The following GALK2 variants were observed in gnomAD, a reference collection of about 807,000 sequenced individuals.
The protein encoded by GALK2 is N-acetylgalactosamine kinase.
In GALK2, 36 loss-of-function variants were observed where a neutral mutation model predicts 52.4. The observed-to-expected ratio is 0.69, with a 90% CI of 0.53 to 0.91. The LOEUF (loss-of-function observed/expected upper bound fraction) is 0.91. Among genes scored for constraint, GALK2 ranks in the 40% least tolerant of loss-of-function variants. The pLI is 0.00. For synonymous variants in GALK2, 176 were observed against 199.1 expected, an observed-to-expected ratio of 0.88 and a Z score of 0.98; for missense variants, 579 against 559.1, an observed-to-expected ratio of 1.04 and a Z score of -0.36.
At chr15:49,210,476 G>C (rs938119739) in intron 2 of GALK2, among the ~76,000 whole-genome samples, 2 of 151,136 alleles carry the variant, frequency 1.3e-5, no homozygotes, top group African/African-American at 4.9e-5. Context: ...TTCTGCTCTT[G>C]TTGCCCAAGC....
intron 3 of GALK2, among the ~76,000 whole-genome samples, chr15:49,363,271 C>T (rs1442225262): frequency 6.6e-6 from 1 of 152,074 alleles, no homozygotes; most frequent in Non-Finnish European, 1.5e-5. Flanking sequence ...AATGTTCTTC[C>T]ACTTGTTTGT....
rs1353022059 is a variant in GALK2, at chr15:49,329,400, C to T, written c.*1241C>T. 1 of 984,998 alleles carries T rather than the reference C, an allele frequency of 1.0e-6. No homozygotes were observed. The highest frequency in any genetic ancestry group is 1.2e-6 in the Non-Finnish European group (1 of 829,718). The allele number at this position is 984,998 out of a possible 1,614,324, so 61.0% of individuals were successfully genotyped here. ...AATTGAGATAGCAATGGTTTTATGGCATGAATTATCCAAAAAAATATCAGA... is the reference window on the plus strand; with the variant it reads ...AATTGAGATAGCAATGGTTTTATGGTATGAATTATCCAAAAAAATATCAGA... On this transcript the variant is annotated 3_prime_UTR_variant, in exon 10 of 10. Transcript: ENST00000560031.
At chr15:49,364,822 G>C (rs735495) in intron 3 of GALK2, among the ~76,000 whole-genome samples, 90,423 of 151,540 alleles carry the variant, frequency 0.6, 27,309 homozygotes, top group Non-Finnish European at 0.63. Flanking sequence ...AGAAACATTT[G>C]AGTAAAAAAG....
At chr15:49,335,976 C>T (rs1326124335), downstream of GALK2, among the ~76,000 whole-genome samples, 2 of 152,144 alleles carry the variant, frequency 1.3e-5, no homozygotes, top group Non-Finnish European at 2.9e-5. Flanking sequence ...GCCTCAGCTT[C>T]CTGAGTAGTA....
intron 2 of GALK2, among the ~76,000 whole-genome samples, chr15:49,209,063 T>C (rs111722569): frequency 0.06 from 9,196 of 152,206 alleles, 557 homozygotes; most frequent in African/African-American, 0.15. Context: ...ATTAGGTGAG[T>C]CTCCTGAAGG....
At position 49,319,863 on chromosome 15, in the gene GALK2, G is replaced by A; in HGVS notation, c.1169+58G>A. 15 of 1,414,744 alleles carry A rather than the reference G, an allele frequency of 1.1e-5. No individual in the cohort carries two copies. In the Admixed American group the frequency reaches 1.5e-4, roughly 14 times the overall value. The allele number at this position is 1,414,744 out of a possible 1,614,324, so 87.6% of individuals were successfully genotyped here. On this transcript the variant is annotated intron_variant, in intron 9 of 9. Coordinates refer to ENST00000560031, the MANE Select transcript of GALK2 (RefSeq NM_002044.4). ...ATCAAATAATATTGTTTAAATTAAT[G>A]GAAAAAAATGCAACATTTCATAATC... is the stretch of plus-strand genomic sequence containing the variant.
At chr15:49,261,831 G>T (rs928470014) in intron 5 of GALK2, among the ~76,000 whole-genome samples, 1 of 152,012 alleles carries the variant, frequency 6.6e-6, no homozygotes, top group Non-Finnish European at 1.5e-5. Flanking sequence ...ATAATCATGT[G>T]GTTTTTGTCT....
rs76455846 is a variant in GALK2 at position 49,326,784 on chromosome 15, G to A, written c.1170-1168G>A. On this transcript the variant is annotated intron_variant, in intron 9 of 9. Coordinates refer to ENST00000560031, the MANE Select transcript of GALK2 (RefSeq NM_002044.4). ...AAATACCTATGTTCATTTGAAAAGC[G>A]TATTTTAATATATATAATAAAGCAG... is the stretch of plus-strand genomic sequence containing the variant. 8.1e-3 allele frequency among the ~76,000 whole-genome samples: 1,229 copies of A among 152,028 alleles called. 17 individuals are homozygous for A. The highest frequency in any genetic ancestry group is 0.028 in the African/African-American group (1,179 of 41,460).
intron 1 of GALK2, among the ~76,000 whole-genome samples, chr15:49,188,490 C>A (rs907983390): frequency 6.6e-6 from 1 of 152,238 alleles, no homozygotes; most frequent in African/African-American, 2.4e-5. Context: ...ATGGCCACCA[C>A]CATTGCTGGG....
chr15:49,156,239 T>TA (rs2084443462), intron 1 of GALK2: 2 of 556,046 alleles, frequency 3.6e-6, no homozygotes, highest in South Asian at 4.1e-5. Context: ...AACTGACCTT[T>TA]ACAGCCCTTG....
intron 8 of GALK2, among the ~76,000 whole-genome samples, chr15:49,305,238 A>G (rs1361880611): frequency 6.6e-6 from 1 of 152,192 alleles, no homozygotes; most frequent in Admixed American, 6.5e-5. Context: ...TATTAATAGT[A>G]ATGACAACAA....
At chr15:49,339,177 C>T (rs964075162) in intron 3 of GALK2, among the ~76,000 whole-genome samples, 1 of 152,098 alleles carries the variant, frequency 6.6e-6, no homozygotes, top group Non-Finnish European at 1.5e-5. Context: ...CCCTTGCTGG[C>T]AAGGAGTTGT....
intron 3 of GALK2, among the ~76,000 whole-genome samples, chr15:49,364,595 C>A (rs2044799267): frequency 6.6e-6 from 1 of 152,004 alleles, no homozygotes; most frequent in Non-Finnish European, 1.5e-5. Flanking sequence ...TTTAAAAAAA[C>A]ATACTACAAA....
chr15:49,313,443 T>C (rs923604642), intron 8 of GALK2, among the ~76,000 whole-genome samples: 1 of 152,200 alleles, frequency 6.6e-6, no homozygotes, highest in African/African-American at 2.4e-5. Context: ...CTTGGGCCTT[T>C]GGCCATCCTC....
chr15:49,274,201 A>G (rs2031259943), intron 5 of GALK2, among the ~76,000 whole-genome samples: 1 of 152,204 alleles, frequency 6.6e-6, no homozygotes, highest in Admixed American at 6.5e-5. Context: ...CATTGTGTCA[A>G]CATCATAGAG....
intron 8 of GALK2, among the ~76,000 whole-genome samples, chr15:49,300,336 T>G (rs891485264): frequency 6.6e-6 from 1 of 152,068 alleles, no homozygotes; most frequent in African/African-American, 2.4e-5. Flanking sequence ...TGTCATTGCA[T>G]GTGAGATGAG....
At chr15:49,238,332 CT>C (rs1236308205) in intron 4 of GALK2, among the ~76,000 whole-genome samples, 1 of 152,174 alleles carries the variant, frequency 6.6e-6, no homozygotes, top group Non-Finnish European at 1.5e-5. Context: ...TATACTAGAG[CT>C]TTCCATATTT....
At chr15:49,192,743 C>T (rs2086864727) in intron 1 of GALK2, among the ~76,000 whole-genome samples, 1 of 151,540 alleles carries the variant, frequency 6.6e-6, no homozygotes, top group Non-Finnish European at 1.5e-5. Context: ...CTGATAGTAT[C>T]TCAGTGTAGT....
At chr15:49,156,349 G>T in intron 1 of GALK2, 1 of 407,808 alleles carries the variant, frequency 2.5e-6, no homozygotes, top group South Asian at 2.2e-5. Flanking sequence ...GTGACTCGCG[G>T]GATCAGGAAT....
Sources: gnomAD v4.1 joint callset for allele counts (sites outside exome capture counted in the v4.1 genomes callset) on GRCh38, gnomAD v4.1.1 for gene constraint, MANE v1.5 for transcripts, NCBI Gene and HGNC (gene_info 2026-07-23, HGNC 2026-07-21) for gene names.